The following TJP2 variants were observed in gnomAD, a reference collection of about 807,000 sequenced individuals.
The protein encoded by TJP2 is tight junction protein 2.
In TJP2, 91 loss-of-function variants were observed where a neutral mutation model predicts 133.1. The observed-to-expected ratio is 0.68, with a 90% confidence interval of 0.58 to 0.81. The LOEUF is 0.81. Among genes scored for constraint, TJP2 ranks in the 40% least tolerant of loss-of-function variants. TJP2 has a pLI of 0.00. For missense variants in TJP2, 1,541 were observed against 1,565.6 expected, an observed-to-expected ratio of 0.98 and a Z score of 0.26; for synonymous variants, 592 against 583.4, an observed-to-expected ratio of 1.01 and a Z score of -0.21.
chr9:69,217,812 C>T (rs1172067975), intron 3 of TJP2, among the ~76,000 whole-genome samples: 1 of 152,178 alleles, frequency 6.6e-6, no homozygotes, highest in Non-Finnish European at 1.5e-5. Flanking sequence ...ATTCTGTGAT[C>T]TCAAAATTTC....
intron 1 of TJP2, among the ~76,000 whole-genome samples, chr9:69,205,726 G>C (rs1006771169): frequency 3.3e-5 from 5 of 152,134 alleles, no homozygotes; most frequent in Non-Finnish European, 7.3e-5. Context: ...TTGATGGCTT[G>C]AGACTTTTAT....
chr9:69,219,969 G>C (rs1185004083), intron 4 of TJP2, among the ~76,000 whole-genome samples: 2 of 151,990 alleles, frequency 1.3e-5, no homozygotes, highest in Admixed American at 1.3e-4. Context: ...TGGCCAACAT[G>C]GTGAAACCCC....
chr9:69,188,483 T>C (rs1825999508), intron 1 of TJP2, among the ~76,000 whole-genome samples: 1 of 152,176 alleles, frequency 6.6e-6, no homozygotes, highest in African/African-American at 2.4e-5. Flanking sequence ...CTTTTTAGAA[T>C]CACAGTGGCA....
intron 17 of TJP2, among the ~76,000 whole-genome samples, chr9:69,240,589 T>C (rs1033446989): frequency 2.6e-5 from 4 of 152,228 alleles, no homozygotes; most frequent in African/African-American, 9.6e-5. Context: ...CCTCCCACTT[T>C]GGGAGGCCAA....
In TJP2 at chr9:69,174,297, C is replaced by T. The variant is rs1824884041; in HGVS notation, c.-76C>T. On this transcript the variant is annotated 5_prime_UTR_variant, in exon 1 of 23. Transcript: ENST00000377245. ...GGGTCAGAGCACTGTCCGGTGGTGC[C>T]CAGGAGGAGTAGGAGCAGGAGCAGA... 3.2e-6 allele frequency: 5 copies of T among 1,549,704 alleles called. No individual in the cohort carries two copies. In the South Asian group the frequency reaches 6.0e-5, roughly 18 times the overall value.
chr9:69,212,602 G>A lies in TJP2; in HGVS notation c.114+1G>A. 1 of 1,609,078 alleles carries A rather than the reference G, an allele frequency of 6.2e-7. No individual in the cohort carries two copies. The highest frequency in any genetic ancestry group is 8.5e-7 in the Non-Finnish European group (1 of 1,175,560). On this transcript the variant is annotated splice_donor_variant, in intron 2 of 22. Transcript: ENST00000377245. LOFTEE classifies it high-confidence loss of function. ...ACAGTACACTGTGACCCTACAAAAGGTGAGTTCTGCACATTTCATATATTC... is the reference window on the plus strand; with the variant it reads ...ACAGTACACTGTGACCCTACAAAAGATGAGTTCTGCACATTTCATATATTC...
At chr9:69,142,695 C>G (rs1287449890) in intron 1 of TJP2, among the ~76,000 whole-genome samples, 2 of 152,080 alleles carry the variant, frequency 1.3e-5, no homozygotes, top group Admixed American at 1.3e-4. Context: ...CTGTCTTTCT[C>G]CAGAAGAAAT....
intron 1 of TJP2, among the ~76,000 whole-genome samples, chr9:69,126,690 C>T (rs1340079493): frequency 1.3e-5 from 1 of 77,492 alleles, no homozygotes; most frequent in Non-Finnish European, 3.0e-5. Context: ...AAAGGCTACG[C>T]ACCTCCATTT....
intron 11 of TJP2, among the ~76,000 whole-genome samples, chr9:69,234,168 G>C (rs1829991710): frequency 6.6e-6 from 1 of 152,090 alleles, no homozygotes; most frequent in Admixed American, 6.6e-5. Flanking sequence ...ACAGATCCTT[G>C]CTTCAATGGC....
upstream of TJP2, among the ~76,000 whole-genome samples, chr9:69,170,430 G>T (rs1468962358): frequency 6.6e-6 from 1 of 151,898 alleles, no homozygotes; most frequent in African/African-American, 2.4e-5. Flanking sequence ...TTAAATGATG[G>T]TCTGCTATGC....
chr9:69,237,974 G>GTAC lies in TJP2; in HGVS notation c.2275+3_2275+4insCTA. 1 of 1,608,616 alleles carries GTAC rather than the reference G, an allele frequency of 6.2e-7. No individual in the cohort carries two copies. ...TTACCTGACTGGTTTCAAACTGCTAGTAAGTCTGTCAGTGTTTTTTTTTCC... is the reference window on the plus strand; with the variant it reads ...TTACCTGACTGGTTTCAAACTGCTAGTACTAAGTCTGTCAGTGTTTTTTTTTCC... On this transcript the variant is annotated splice_donor_variant, in intron 15 of 22. Transcript: ENST00000377245. LOFTEE classifies it high-confidence loss of function.
chr9:69,131,485 T>G (rs972761891), intron 1 of TJP2, among the ~76,000 whole-genome samples: 1 of 152,188 alleles, frequency 6.6e-6, no homozygotes, highest in Non-Finnish European at 1.5e-5. Flanking sequence ...CTAATTTGAT[T>G]GTATATTTCA....
chr9:69,228,192 T>C, intron 9 of TJP2, 78 bp downstream of exon 9: 1 of 1,539,548 alleles, frequency 6.5e-7, no homozygotes, highest in Non-Finnish European at 8.8e-7. Context: ...AAGAGTGAAA[T>C]CATGTCCTTT....
chr9:69,129,954 G>T (rs530027673), intron 1 of TJP2, among the ~76,000 whole-genome samples: 1 of 146,536 alleles, frequency 6.8e-6, no homozygotes, highest in African/African-American at 2.5e-5. Context: ...GGCGGAGGTT[G>T]CAGTGAGCCA....
At chr9:69,205,396 GT>G in intron 1 of TJP2, 1 of 1,413,590 alleles carries the variant, frequency 7.1e-7, no homozygotes, top group Non-Finnish European at 9.3e-7. Flanking sequence ...GTAGTCACTG[GT>G]GGGTTTTTAA....
At chr9:69,166,008 A>G (rs1176245178) in intron 2 of TJP2, among the ~76,000 whole-genome samples, 1 of 152,146 alleles carries the variant, frequency 6.6e-6, no homozygotes, top group Non-Finnish European at 1.5e-5. Context: ...AGCCTAGACT[A>G]CAGTCATCTC....
In TJP2 at chr9:69,227,812, C is replaced by T. The variant is rs199761505; in HGVS notation, c.1258C>T (p.Arg420Cys). Residue 420 changes from arginine (R) to cysteine (C), a missense_variant, in exon 8 of 23, where the codon CGT becomes TGT. Arg to Cys is a radical substitution (Grantham distance 180, BLOSUM62 -3). Transcript: ENST00000377245. ...SNRSFSPEER[R>C]HQYSDYDYHS... ...CCGATCATTTTCTCCAGAGGAGAGACGTCATCAGTATTCTGATTATGATTA... is the reference window on the plus strand; with the variant it reads ...CCGATCATTTTCTCCAGAGGAGAGATGTCATCAGTATTCTGATTATGATTA... 2.2e-4 allele frequency: 351 copies of T among 1,613,784 alleles called. 3 individuals carry two copies. The highest frequency in any genetic ancestry group is 1.8e-3 in the South Asian group (164 of 91,084).
chr9:69,137,728 A>G (rs1201268448), intron 1 of TJP2, among the ~76,000 whole-genome samples: 3 of 151,912 alleles, frequency 2.0e-5, no homozygotes, highest in Non-Finnish European at 4.4e-5. Context: ...CTTTTCTTCA[A>G]GGTCTTTGAA....
At chr9:69,150,148 A>T (rs1823400410) in intron 1 of TJP2, among the ~76,000 whole-genome samples, 2 of 152,134 alleles carry the variant, frequency 1.3e-5, no homozygotes, top group Admixed American at 1.3e-4. Context: ...GACTGTCTCA[A>T]AAAACAAAAC....
Sources: allele counts gnomAD v4.1 joint callset (sites outside exome capture counted in the v4.1 genomes callset), GRCh38; gene constraint gnomAD v4.1.1; transcripts MANE v1.5; gene names NCBI Gene and HGNC (gene_info 2026-07-23, HGNC 2026-07-21).